Variants in CHD9 observed in about 807,000 individuals in gnomAD.
CHD9 encodes chromodomain helicase DNA binding protein 9, also known as ATP-dependent chromatin remodeler CHD9.
A neutral mutation model predicts 316.1 loss-of-function variants in CHD9; 77 were observed. The ratio of observed to expected loss-of-function variants is 0.24; its 90% CI spans 0.20 to 0.29. CHD9 has a LOEUF of 0.29. Ranked by LOEUF, CHD9 falls within the 10% of genes least tolerant of loss-of-function variation. CHD9 has a pLI of 1.00. For synonymous variants in CHD9, 1,129 were observed against 1,158.3 expected (o/e 0.97, Z 0.51); for missense variants, 2,763 against 3,438.1 (o/e 0.80, Z 4.91).
intron 2 of CHD9, among the ~76,000 whole-genome samples, chr16:53,169,838 G>C (rs776389348): frequency 1.3e-5 from 2 of 152,074 alleles, no homozygotes; most frequent in East Asian, 1.9e-4. Context: ...ATATTCTTTA[G>C]AGAGATATCT....
chr16:53,203,434 T>C (rs1370264397), intron 2 of CHD9, among the ~76,000 whole-genome samples: 1 of 152,136 alleles, frequency 6.6e-6, no homozygotes, highest in Non-Finnish European at 1.5e-5. Context: ...TGGAACTTGT[T>C]GTTTTTGGGT....
chr16:53,238,784 C>T (rs947187591), intron 12 of CHD9, among the ~76,000 whole-genome samples, 198 bp downstream of exon 12: 1 of 152,102 alleles, frequency 6.6e-6, no homozygotes, highest in African/African-American at 2.4e-5. Context: ...CAATTTAATG[C>T]TGTAGTTCAC....
At chr16:53,175,966 G>A (rs934569758) in intron 2 of CHD9, among the ~76,000 whole-genome samples, 1 of 152,194 alleles carries the variant, frequency 6.6e-6, no homozygotes, top group Non-Finnish European at 1.5e-5. Context: ...CCATACTACT[G>A]TCTGTCGCCT....
intron 22 of CHD9, among the ~76,000 whole-genome samples, chr16:53,272,453 C>T (rs775170503): frequency 8.6e-5 from 13 of 151,648 alleles, no homozygotes; most frequent in Non-Finnish European, 1.8e-4. Context: ...TATAAAATGG[C>T]AAGGAAAAGG....
At chr16:53,112,769 T>A (rs2037967852) in intron 1 of CHD9, among the ~76,000 whole-genome samples, 1 of 152,156 alleles carries the variant, frequency 6.6e-6, no homozygotes, top group African/African-American at 2.4e-5. Context: ...ATCCCAGCAC[T>A]TTGTGAGGCC....
chr16:53,134,001 A>G (rs1597096988), intron 1 of CHD9, among the ~76,000 whole-genome samples: 1 of 152,156 alleles, frequency 6.6e-6, no homozygotes, highest in African/African-American at 2.4e-5. Flanking sequence ...AAAAGTTAAG[A>G]TTTTCTAAAG....
At chr16:53,092,833 C>T (rs903944688) in intron 1 of CHD9, among the ~76,000 whole-genome samples, 5 of 152,102 alleles carry the variant, frequency 3.3e-5, no homozygotes, top group African/African-American at 9.7e-5. Context: ...GGCTGGAGTG[C>T]AGTGGTGTGA....
intron 32 of CHD9, among the ~76,000 whole-genome samples, 170 bp from the exon 33 acceptor site, chr16:53,307,511 C>T (rs866373158): frequency 3.9e-5 from 6 of 152,082 alleles, no homozygotes; most frequent in Non-Finnish European, 7.4e-5. Flanking sequence ...GGAATCTGTA[C>T]TCAAATAACT....
intron 1 of CHD9, among the ~76,000 whole-genome samples, chr16:53,091,809 C>CTCCTTCCTCCCTCCCTCCCT (rs1202327803): frequency 9.2e-5 from 14 of 152,154 alleles, no homozygotes; most frequent in African/African-American, 3.4e-4. Context: ...TTTTCCCTCT[C>CTCCTTCCTCCCTCCCTCCCT]TCCTTCCTCC....
At chr16:53,291,664 C>CT (rs567727260) in intron 27 of CHD9, 61 bp from the exon 28 acceptor site, 6 of 1,147,266 alleles carry the variant, frequency 5.2e-6, no homozygotes, top group African/African-American at 4.8e-5. Flanking sequence ...ATTCTCTTTT[C>CT]TTTTTTTATA....
chr16:53,252,718 C>A (rs1156571397), intron 17 of CHD9, among the ~76,000 whole-genome samples: 1 of 150,416 alleles, frequency 6.6e-6, no homozygotes, highest in Non-Finnish European at 1.5e-5. Flanking sequence ...AAAAACAGTT[C>A]CATCAAAAAG....
At chr16:53,096,196 T>A (rs946087961) in intron 1 of CHD9, among the ~76,000 whole-genome samples, 2 of 151,874 alleles carry the variant, frequency 1.3e-5, no homozygotes, top group Non-Finnish European at 2.9e-5. Flanking sequence ...GTGTTGAGAT[T>A]ACCAGCATGA....
intron 17 of CHD9, among the ~76,000 whole-genome samples, chr16:53,254,168 C>G (rs1007596715): frequency 2.6e-5 from 4 of 152,074 alleles, no homozygotes; most frequent in Non-Finnish European, 5.9e-5. Context: ...CAGAGCAAGA[C>G]TCCATCTCAA....
At chr16:53,064,819 G>C (rs1363218823) in intron 1 of CHD9, among the ~76,000 whole-genome samples, 1 of 152,032 alleles carries the variant, frequency 6.6e-6, no homozygotes, top group Non-Finnish European at 1.5e-5. Context: ...ACTAAAAATA[G>C]AAAAATTAGC....
At chr16:53,163,561 T>C (rs1034656400) in intron 2 of CHD9, among the ~76,000 whole-genome samples, 4 of 152,210 alleles carry the variant, frequency 2.6e-5, no homozygotes, top group Non-Finnish European at 5.9e-5. Context: ...GTTCACACTT[T>C]CTGGCAAATT....
intron 16 of CHD9, among the ~76,000 whole-genome samples, chr16:53,248,438 T>G (rs1270400685): frequency 1.3e-5 from 2 of 151,908 alleles, no homozygotes; most frequent in Non-Finnish European, 2.9e-5. Context: ...TAGTAACATA[T>G]TAATGTAAAA....
chr16:53,264,571 G>A (rs2051470517), intron 20 of CHD9, among the ~76,000 whole-genome samples: 1 of 152,146 alleles, frequency 6.6e-6, no homozygotes, highest in African/African-American at 2.4e-5. Flanking sequence ...GTATATATTG[G>A]TAATTACATC....
At chr16:53,207,452 C>G (rs1168885607) in intron 2 of CHD9, among the ~76,000 whole-genome samples, 1 of 152,126 alleles carries the variant, frequency 6.6e-6, no homozygotes, top group Non-Finnish European at 1.5e-5. Flanking sequence ...TGTTAGTAAT[C>G]TTTATAAACA....
At chr16:53,093,988 G>T (rs1261756880) in intron 1 of CHD9, among the ~76,000 whole-genome samples, 2 of 152,198 alleles carry the variant, frequency 1.3e-5, no homozygotes, top group African/African-American at 4.8e-5. Flanking sequence ...AACAATGTGT[G>T]CCTCTGCCCG....
Sources: allele counts gnomAD v4.1 joint callset (sites outside exome capture counted in the v4.1 genomes callset), GRCh38; gene constraint gnomAD v4.1.1; transcripts MANE v1.5; gene names NCBI Gene and HGNC (gene_info 2026-07-23, HGNC 2026-07-21).